Variants in MTBP observed in about 807,000 individuals in gnomAD.
MTBP encodes mdm2-binding protein.
MTBP carries 101 observed loss-of-function variants against 117.0 expected under a neutral mutation model. That is an observed-to-expected ratio of 0.86 (90% CI 0.73 to 1.02). The LOEUF is 1.02. Ranked by LOEUF, MTBP falls within the 50% of genes least tolerant of loss-of-function variation. The probability of loss-of-function intolerance (pLI) is 0.00; values close to 1 mark genes in which losing one functional copy is unlikely to be tolerated. For synonymous variants in MTBP, 350 were observed against 351.5 expected, an observed-to-expected ratio of 1.00 and a Z score of 0.05; for missense variants, 970 against 1,030.9, an observed-to-expected ratio of 0.94 and a Z score of 0.81.
intron 11 of MTBP, chr8:120,473,052 T>C (rs1284554636): frequency 6.6e-6 from 1 of 152,194 alleles, no homozygotes; most frequent in Non-Finnish European, 1.5e-5. Context: ...ACCCCTCATA[T>C]AAAATGGAGT....
At chr8:120,515,831 CT>C in intron 17 of MTBP, 93 bp from the exon 18 acceptor site, 1 of 1,180,520 alleles carries the variant, frequency 8.5e-7, no homozygotes, top group Non-Finnish European at 1.2e-6. Context: ...AACAAGAACT[CT>C]TAAAGTAAAT....
At chr8:120,499,293 A>C (rs1447726448) in intron 14 of MTBP, among the ~76,000 whole-genome samples, 1 of 152,094 alleles carries the variant, frequency 6.6e-6, no homozygotes, top group Non-Finnish European at 1.5e-5. Flanking sequence ...TTAACTGACG[A>C]TCGTTCTTCA....
intron 11 of MTBP, among the ~76,000 whole-genome samples, chr8:120,476,071 G>GATGGAATTAGA (rs1813930438): frequency 1.3e-5 from 2 of 151,964 alleles, no homozygotes; most frequent in Non-Finnish European, 2.9e-5. Flanking sequence ...TAATGTCACA[G>GATGGAATTAGA]GGTGGAATTA....
intron 20 of MTBP, among the ~76,000 whole-genome samples, chr8:120,521,797 T>C (rs1028018029): frequency 2.0e-5 from 3 of 152,234 alleles, no homozygotes; most frequent in African/African-American, 7.2e-5. Context: ...AAAATATCTT[T>C]TACCTGATAA....
intron 12 of MTBP, among the ~76,000 whole-genome samples, chr8:120,490,084 C>G (rs1434561904): frequency 6.6e-6 from 1 of 152,082 alleles, no homozygotes; most frequent in East Asian, 1.9e-4. Flanking sequence ...GTGGAGGGGA[C>G]TGCACAAAAA....
intron 14 of MTBP, among the ~76,000 whole-genome samples, chr8:120,499,024 A>T (rs1338637472): frequency 6.6e-6 from 1 of 152,202 alleles, no homozygotes; most frequent in Non-Finnish European, 1.5e-5. Context: ...TGAGCAAAGG[A>T]TGAACACAAT....
rs896388927 is a variant in MTBP at position 120,500,782 on chromosome 8, C to T, written c.1610-1710C>T. 2.6e-5 allele frequency among the ~76,000 whole-genome samples: 4 copies of T among 152,264 alleles called. 1 individual carries two copies. The South Asian group carries it at 6.2e-4, about 24-fold the overall frequency. ...TTAAAAATTCCTTTAACAGGCCAGG[C>T]GTGGTGGCTCACGCCTATAATCCCA... On this transcript the variant is annotated intron_variant, in intron 14 of 21. Coordinates refer to ENST00000305949, the MANE Select transcript of MTBP (RefSeq NM_022045.5).
chr8:120,509,069 A>T (rs1814748481), intron 16 of MTBP, among the ~76,000 whole-genome samples: 1 of 152,180 alleles, frequency 6.6e-6, no homozygotes, highest in Non-Finnish European at 1.5e-5. Flanking sequence ...AAAAGAACTG[A>T]ACTCAGCAGT....
intron 17 of MTBP, 48 bp from the exon 18 acceptor site, chr8:120,515,877 G>A (rs374147808): frequency 6.5e-7 from 1 of 1,539,924 alleles, no homozygotes; most frequent in Admixed American, 1.8e-5. Flanking sequence ...GGGAAAGTCT[G>A]TTGCTCTCAT....
chr8:120,520,876 T>C (rs1814999167), intron 20 of MTBP, among the ~76,000 whole-genome samples: 1 of 152,078 alleles, frequency 6.6e-6, no homozygotes, highest in South Asian at 2.1e-4. Context: ...CAGTCAGGTA[T>C]GAGGATTTAA....
chr8:120,482,737 T>C lies in MTBP; in HGVS notation c.1166-5422T>C, dbSNP rs569787897. The stretch of plus-strand genomic sequence containing the variant: ...TTTTTTGAGACGGAGTCTTGCTTTG[T>C]TGCCCAGGCTGGAATGCAGTAGCGT... On this transcript the variant is annotated intron_variant, in intron 11 of 21. Transcript: ENST00000305949. 2.2e-5 allele frequency among the ~76,000 whole-genome samples: 3 copies of C among 137,438 alleles called. No homozygotes were observed. In the South Asian group the frequency reaches 7.5e-4, roughly 34 times the overall value. 90.2% of individuals were successfully genotyped at this position (137,438 alleles called of 152,430 possible). A position where few individuals can be genotyped will look rare whatever the true frequency, so the allele number is the denominator to read the frequency against.
chr8:120,448,158 C>T (rs1203056337), intron 2 of MTBP, among the ~76,000 whole-genome samples: 1 of 152,128 alleles, frequency 6.6e-6, no homozygotes, highest in Non-Finnish European at 1.5e-5. Context: ...TCTTGAACAC[C>T]TGGGCTCAAG....
At chr8:120,467,553 C>G (rs954939287) in intron 10 of MTBP, among the ~76,000 whole-genome samples, 1 of 152,130 alleles carries the variant, frequency 6.6e-6, no homozygotes, top group African/African-American at 2.4e-5. Context: ...TTGCAGTGAG[C>G]AGAGATCACA....
In MTBP at chr8:120,461,200, A is replaced by G. The variant is rs375352348; in HGVS notation, c.922A>G (p.Met308Val). The G allele has an allele frequency of 1.5e-5, 24 of 1,606,290 alleles. No homozygotes were observed. The highest frequency in any genetic ancestry group is 2.0e-5 in the Non-Finnish European group (23 of 1,173,814). ...TGGCCCTGCTTTAGAATTTGTGCAG[A>G]TGATAAAATTATCAGATCTACCCTC... ...YYGPALEFVQ[M>V]IKLSDLPSCY... The change falls in exon 9 of 22, where the codon ATG becomes GTG. Residue 308 changes from methionine to valine, a missense_variant. Transcript: ENST00000305949.
intron 13 of MTBP, among the ~76,000 whole-genome samples, chr8:120,493,483 T>G (rs1057107328): frequency 1.4e-5 from 2 of 145,732 alleles, no homozygotes; most frequent in African/African-American, 5.4e-5. Flanking sequence ...TGTGTGGGGG[T>G]GTATATATAT....
intron 11 of MTBP, among the ~76,000 whole-genome samples, chr8:120,486,119 A>G (rs1157092662): frequency 1.3e-5 from 2 of 152,130 alleles, no homozygotes; most frequent in African/African-American, 4.8e-5. Context: ...TGACACCAAG[A>G]TGACACTTCT....
At chr8:120,490,679 G>T (rs1418958139) in intron 13 of MTBP, 109 bp downstream of exon 13, 2 of 631,378 alleles carry the variant, frequency 3.2e-6, no homozygotes, top group Non-Finnish European at 5.3e-6. Context: ...TTTTAGTTAT[G>T]CTACTTAATT....
intron 3 of MTBP, 44 bp from the exon 4 acceptor site, chr8:120,451,127 T>A: frequency 6.3e-7 from 1 of 1,581,086 alleles, no homozygotes; most frequent in Non-Finnish European, 8.6e-7. Context: ...CTAATATAAA[T>A]AATTTCATGA....
intron 15 of MTBP, among the ~76,000 whole-genome samples, chr8:120,505,970 C>A (rs1814677773): frequency 6.6e-6 from 1 of 152,112 alleles, no homozygotes; most frequent in South Asian, 2.1e-4. Context: ...CTTTACTTGA[C>A]AAGTCGGAAT....
Sources: allele counts gnomAD v4.1 joint callset (sites outside exome capture counted in the v4.1 genomes callset), GRCh38; gene constraint gnomAD v4.1.1; transcripts MANE v1.5; gene names NCBI Gene and HGNC (gene_info 2026-07-23, HGNC 2026-07-21).